The following AGBL4 variants were observed in gnomAD, a reference collection of about 807,000 sequenced individuals.
The protein encoded by AGBL4 is cytosolic carboxypeptidase 6.
AGBL4 carries 58 observed loss-of-function variants against 66.4 expected under a neutral mutation model. The ratio of observed to expected loss-of-function variants is 0.87; its 90% confidence interval spans 0.71 to 1.09. The LOEUF is 1.09. Ranked by LOEUF, AGBL4 falls within the 50% of genes least tolerant of loss-of-function variation. The probability of loss-of-function intolerance (pLI) is 0.00; values close to 1 mark genes in which losing one functional copy is unlikely to be tolerated. For synonymous variants in AGBL4, 234 were observed against 222.9 expected (o/e 1.05, Z -0.44); for missense variants, 579 against 631.0 (o/e 0.92, Z 0.88).
At chr1:48,561,752 A>G (rs1644400251) in intron 11 of AGBL4, among the ~76,000 whole-genome samples, 1 of 152,112 alleles carries the variant, frequency 6.6e-6, no homozygotes, top group Non-Finnish European at 1.5e-5. Context: ...GAACTGAAAT[A>G]CAGTTCTTCT....
intron 1 of AGBL4, among the ~76,000 whole-genome samples, chr1:49,979,092 G>A (rs1030179372): frequency 1.3e-5 from 2 of 152,096 alleles, no homozygotes; most frequent in Non-Finnish European, 2.9e-5. Flanking sequence ...TAAAATATAG[G>A]TAGATACAAG....
chr1:49,948,464 A>AATATATAAATATATATAAATATATAAAT (rs1655714961), intron 1 of AGBL4, among the ~76,000 whole-genome samples: 5 of 99,768 alleles, frequency 5.0e-5, no homozygotes, highest in Non-Finnish European at 1.0e-4. Context: ...AATATAGATA[A>AATATATAAATATATATAAATATATAAAT]ATATATAAAT....
intron 9 of AGBL4, among the ~76,000 whole-genome samples, chr1:48,595,039 T>G (rs1414478269): frequency 6.6e-6 from 1 of 152,182 alleles, no homozygotes; most frequent in Non-Finnish European, 1.5e-5. Flanking sequence ...TTCACTGAAT[T>G]AAGCCACTGA....
At chr1:48,653,205 G>T in intron 8 of AGBL4, 132 bp downstream of exon 8, 1 of 662,980 alleles carries the variant, frequency 1.5e-6, no homozygotes. Context: ...AAGAGCCAGG[G>T]TGAAACTTTC....
intron 5 of AGBL4, among the ~76,000 whole-genome samples, chr1:48,988,206 A>G (rs1008342715): frequency 1.3e-5 from 2 of 152,010 alleles, no homozygotes; most frequent in African/African-American, 4.8e-5. Context: ...GAGAACAGGG[A>G]TTTTTCCTAC....
At chr1:49,887,156 TTG>T (rs1225051889) in intron 1 of AGBL4, among the ~76,000 whole-genome samples, 1 of 126,050 alleles carries the variant, frequency 7.9e-6, no homozygotes, top group Non-Finnish European at 1.8e-5. Context: ...TATATATACA[TTG>T]TGTGTATATA....
At chr1:49,516,552 A>G (rs929546677) in intron 3 of AGBL4, among the ~76,000 whole-genome samples, 1 of 152,062 alleles carries the variant, frequency 6.6e-6, no homozygotes, top group African/African-American at 2.4e-5. Context: ...GAAAAGGAAA[A>G]GAAGAAATCA....
At chr1:49,733,332 C>T (rs996158179) in intron 2 of AGBL4, among the ~76,000 whole-genome samples, 3 of 152,132 alleles carry the variant, frequency 2.0e-5, no homozygotes, top group Non-Finnish European at 4.4e-5. Context: ...ATTCAATTTA[C>T]AGTAAGAAAC....
chr1:49,151,282 AT>A (rs758221426), intron 4 of AGBL4, among the ~76,000 whole-genome samples: 2,322 of 136,454 alleles, frequency 0.017, 35 homozygotes, highest in African/African-American at 0.046. Context: ...AAAAAAAAAA[AT>A]ATATATATAT....
chr1:49,473,612 G>T (rs1646790271), intron 3 of AGBL4, among the ~76,000 whole-genome samples: 1 of 151,874 alleles, frequency 6.6e-6, no homozygotes, highest in Non-Finnish European at 1.5e-5. Context: ...AGTTTATTTT[G>T]CTGTGAAGAC....
At chr1:49,580,066 CTTCT>C (rs748590898) in intron 3 of AGBL4, among the ~76,000 whole-genome samples, 3 of 151,920 alleles carry the variant, frequency 2.0e-5, no homozygotes, top group African/African-American at 7.3e-5. Context: ...ATATAATAAC[CTTCT>C]TTGTCTTTTT....
At chr1:48,788,857 A>G (rs1012768654) in intron 6 of AGBL4, among the ~76,000 whole-genome samples, 1 of 152,258 alleles carries the variant, frequency 6.6e-6, no homozygotes, top group African/African-American at 2.4e-5. Context: ...AGAATCAGAC[A>G]GACAGTTTCC....
intron 6 of AGBL4, among the ~76,000 whole-genome samples, chr1:48,803,961 G>A (rs1645864647): frequency 6.6e-6 from 1 of 152,216 alleles, no homozygotes; most frequent in Admixed American, 6.5e-5. Context: ...TGGATACTTT[G>A]CTTAACCTCT....
intron 3 of AGBL4, among the ~76,000 whole-genome samples, chr1:49,275,689 G>GT (rs1394769613): frequency 2.6e-5 from 4 of 151,994 alleles, no homozygotes; most frequent in Admixed American, 1.3e-4. Context: ...TAGTTTTTGA[G>GT]TTTTTATTGT....
chr1:48,613,809 T>C (rs1645277042), intron 9 of AGBL4, among the ~76,000 whole-genome samples: 1 of 152,234 alleles, frequency 6.6e-6, no homozygotes, highest in Non-Finnish European at 1.5e-5. Context: ...TGTGGTAACC[T>C]ACCAAGATAT....
chr1:48,646,104 T>C (rs1645831017), intron 8 of AGBL4, among the ~76,000 whole-genome samples: 1 of 152,074 alleles, frequency 6.6e-6, no homozygotes, highest in Non-Finnish European at 1.5e-5. Flanking sequence ...TGTCTCACAG[T>C]CAGAGGTGGC....
chr1:48,885,587 A>G lies in AGBL4; in HGVS notation c.595-18357T>C, dbSNP rs942732559. Among the ~76,000 whole-genome samples, 38 of 152,280 alleles carry G rather than the reference A, an allele frequency of 2.5e-4. 1 individual carries two copies. The highest frequency in any genetic ancestry group is 8.7e-4 in the African/African-American group (36 of 41,562). ...GCAGAGTTCCTTTTTCAAAAAGCAG[A>G]AAAAAATGGCATTAGAGGTACTAAA... On this transcript the variant is annotated intron_variant, in intron 5 of 13. Transcript: ENST00000371839.
At chr1:49,735,296 GGTGTGTGT>G (rs34172664) in intron 2 of AGBL4, among the ~76,000 whole-genome samples, 36 of 127,382 alleles carry the variant, frequency 2.8e-4, no homozygotes, top group African/African-American at 5.5e-4. Context: ...GAGGTGTGTG[GGTGTGTGT>G]GTGTGTGTGT....
At chr1:49,385,592 T>C (rs1028988944) in intron 3 of AGBL4, among the ~76,000 whole-genome samples, 34 of 152,174 alleles carry the variant, frequency 2.2e-4, no homozygotes, top group African/African-American at 8.2e-4. Context: ...TTAAAGAAGG[T>C]TGTATATTAA....
Sources: gnomAD v4.1 joint callset for allele counts (sites outside exome capture counted in the v4.1 genomes callset) on GRCh38, gnomAD v4.1.1 for gene constraint, MANE v1.5 for transcripts, NCBI Gene and HGNC (gene_info 2026-07-23, HGNC 2026-07-21) for gene names.